SND1: variants seen among roughly 807,000 people sequenced by gnomAD.
SND1 encodes staphylococcal nuclease and tudor domain containing 1.
Under a neutral mutation model 121.7 loss-of-function variants are expected in SND1, and 38 were observed. That is an observed-to-expected ratio of 0.31 (90% CI 0.24 to 0.41). The LOEUF (loss-of-function observed/expected upper bound fraction) is 0.41, where lower values mean the gene tolerates loss of function less well. Ranked by LOEUF, SND1 falls within the 10% of genes least tolerant of loss-of-function variation. The pLI is 1.00. For missense variants in SND1, 868 were observed against 1,184.6 expected, an observed-to-expected ratio of 0.73 and a Z score of 3.92; for synonymous variants, 401 against 447.4, an observed-to-expected ratio of 0.90 and a Z score of 1.31.
chr7:127,901,322 C>A (rs1471619519), intron 13 of SND1, among the ~76,000 whole-genome samples: 2 of 152,094 alleles, frequency 1.3e-5, no homozygotes, highest in Non-Finnish European at 2.9e-5. Flanking sequence ...TGGCAGGCCT[C>A]CCCTCTTGGA....
intron 16 of SND1, among the ~76,000 whole-genome samples, chr7:128,023,108 T>C (rs1426265087): frequency 6.6e-6 from 1 of 152,200 alleles, no homozygotes; most frequent in African/African-American, 2.4e-5. Flanking sequence ...CAGAGGAATC[T>C]CCCTGGCTTT....
chr7:127,972,486 G>T (rs965063119), intron 15 of SND1, among the ~76,000 whole-genome samples: 3 of 152,158 alleles, frequency 2.0e-5, no homozygotes, highest in Non-Finnish European at 4.4e-5. Flanking sequence ...TCAAGCTCCT[G>T]GGATCAAGTG....
At chr7:127,718,652 G>T in intron 9 of SND1, 1 of 985,310 alleles carries the variant, frequency 1.0e-6, no homozygotes, top group African/African-American at 1.7e-5. Flanking sequence ...ACAGCTCTAA[G>T]AATTCATTGC....
chr7:127,921,603 G>A (rs1258075027), intron 14 of SND1, among the ~76,000 whole-genome samples: 1 of 152,088 alleles, frequency 6.6e-6, no homozygotes, highest in African/African-American at 2.4e-5. Context: ...ACAGTAAAAT[G>A]TTCTCATTTT....
chr7:127,929,441 T>G, intron 15 of SND1, 112 bp downstream of exon 15: 52 of 1,008,570 alleles, frequency 5.2e-5, no homozygotes, highest in Non-Finnish European at 6.6e-5. Flanking sequence ...CAGCATGCTC[T>G]TCCTCTCTGG....
chr7:127,663,246 A>G (rs931812258), intron 1 of SND1, among the ~76,000 whole-genome samples: 6 of 152,228 alleles, frequency 3.9e-5, no homozygotes, highest in Middle Eastern at 3.4e-3. Context: ...TGTAAATGCT[A>G]TGTAGATAGT....
chr7:127,750,974 A>C (rs1359906497), intron 10 of SND1, among the ~76,000 whole-genome samples: 1 of 152,174 alleles, frequency 6.6e-6, no homozygotes, highest in Non-Finnish European at 1.5e-5. Context: ...TCTGGGATGC[A>C]TGTAATGATA....
chr7:127,932,463 C>T (rs902030885), intron 15 of SND1, among the ~76,000 whole-genome samples: 7 of 152,136 alleles, frequency 4.6e-5, no homozygotes, highest in Non-Finnish European at 7.3e-5. Flanking sequence ...AATCTAGTCC[C>T]GGCAAAGATG....
intron 13 of SND1, among the ~76,000 whole-genome samples, chr7:127,890,199 C>T (rs916791994): frequency 3.9e-5 from 6 of 152,024 alleles, no homozygotes; most frequent in Admixed American, 3.3e-4. Flanking sequence ...TATTGCCTGT[C>T]TTTTGGATAT....
At chr7:127,958,961 T>C (rs981255472) in intron 15 of SND1, among the ~76,000 whole-genome samples, 2 of 152,186 alleles carry the variant, frequency 1.3e-5, no homozygotes, top group Non-Finnish European at 2.9e-5. Flanking sequence ...ATTGCTGCTC[T>C]TATTATGGTT....
At chr7:127,997,514 AT>A in intron 16 of SND1, 1 of 338,248 alleles carries the variant, frequency 3.0e-6, no homozygotes, top group South Asian at 2.4e-5. Context: ...CTGCTGTTTG[AT>A]TTTTGTGGGC....
intron 16 of SND1, among the ~76,000 whole-genome samples, chr7:128,060,359 G>T (rs1793210788): frequency 6.6e-6 from 1 of 152,180 alleles, no homozygotes; most frequent in Non-Finnish European, 1.5e-5. Context: ...GGTCCGTGAA[G>T]GAGAGTCAGA....
At chr7:127,768,989 CAG>C (rs1251318187) in intron 10 of SND1, among the ~76,000 whole-genome samples, 1 of 152,158 alleles carries the variant, frequency 6.6e-6, no homozygotes, top group African/African-American at 2.4e-5. Flanking sequence ...TTCTTTATCT[CAG>C]AGAATATAGT....
intron 10 of SND1, among the ~76,000 whole-genome samples, chr7:127,786,612 GTTTTT>G (rs1797816454): frequency 6.6e-6 from 1 of 151,932 alleles, no homozygotes; most frequent in Non-Finnish European, 1.5e-5. Flanking sequence ...GCTGCATAGT[GTTTTT>G]TTGTTTTGTT....
chr7:127,883,072 G>C (rs773830396), intron 12 of SND1, among the ~76,000 whole-genome samples: 1 of 152,160 alleles, frequency 6.6e-6, no homozygotes, highest in Non-Finnish European at 1.5e-5. Flanking sequence ...CATTAGGCAT[G>C]ATCAGGTGGT....
chr7:127,762,096 GCACAGGTGAAAACATGGCCA>G (rs1268657411), intron 10 of SND1, among the ~76,000 whole-genome samples: 1 of 152,082 alleles, frequency 6.6e-6, no homozygotes, highest in East Asian at 1.9e-4. Flanking sequence ...TGCTTTGTGG[GCACAGGTGAAAACATGGCCA>G]CACCGAGCTT....
chr7:127,971,552 C>T (rs1013351071), intron 15 of SND1, among the ~76,000 whole-genome samples: 5 of 152,102 alleles, frequency 3.3e-5, no homozygotes, highest in Admixed American at 6.5e-5. Context: ...GTAATCTTCT[C>T]TTCAGAAAAT....
In SND1 at chr7:127,848,825, A is replaced by G. The variant is rs12530701; in HGVS notation, c.1343+4401A>G. Among the ~76,000 whole-genome samples the G allele has an allele frequency of 2.0e-3, 312 of 152,262 alleles. 2 individuals are homozygous for G. Among genetic ancestry groups the G allele is most frequent in the Non-Finnish European group, 3.7e-3 (253 of 68,000 alleles). On this transcript the variant is annotated intron_variant, in intron 12 of 23. Transcript: ENST00000354725. The stretch of plus-strand genomic sequence containing the variant: ...GGAGTGTGAATTGTCTGTATCTTCT[A>G]TAGGGTTTAGTCTAATCCTTTTTTC...
At chr7:128,087,081 G>A in intron 21 of SND1, 30 bp downstream of exon 21, 1 of 1,562,666 alleles carries the variant, frequency 6.4e-7, no homozygotes, top group Non-Finnish European at 8.8e-7. Flanking sequence ...CCTTCCAAAG[G>A]GGACTATCCA....
Sources: allele counts gnomAD v4.1 joint callset (sites outside exome capture counted in the v4.1 genomes callset), GRCh38; gene constraint gnomAD v4.1.1; transcripts MANE v1.5; gene names NCBI Gene and HGNC (gene_info 2026-07-23, HGNC 2026-07-21).